The following PSD3 variants were observed in gnomAD, a reference collection of about 807,000 sequenced individuals.
PSD3 encodes the protein pleckstrin and Sec7 domain containing 3.
Under a neutral mutation model 105.5 loss-of-function variants are expected in PSD3, and 49 were observed. That is an observed-to-expected ratio of 0.46 (90% CI 0.37 to 0.59). The LOEUF is 0.59. Among genes scored for constraint, PSD3 ranks in the 20% least tolerant of loss-of-function variants. The pLI, the probability that PSD3 is intolerant of heterozygous loss-of-function variation, is 0.00. For synonymous variants in PSD3, 557 were observed against 457.8 expected, an observed-to-expected ratio of 1.22 and a Z score of -2.77; for missense variants, 1,561 against 1,263.8, an observed-to-expected ratio of 1.24 and a Z score of -3.57.
At chr8:18,691,828 A>G (rs905000827) in intron 9 of PSD3, among the ~76,000 whole-genome samples, 1 of 152,154 alleles carries the variant, frequency 6.6e-6, no homozygotes, top group Non-Finnish European at 1.5e-5. Context: ...TCAAAGACAA[A>G]TTATTCTCTA....
At chr8:18,834,642 C>G (rs149475561) in intron 4 of PSD3, among the ~76,000 whole-genome samples, 138 of 152,220 alleles carry the variant, frequency 9.1e-4, no homozygotes, top group African/African-American at 2.9e-3. Context: ...GGTACGTGAA[C>G]TGAAAGGTCA....
chr8:18,679,209 G>A (rs941998171), intron 9 of PSD3, among the ~76,000 whole-genome samples: 6 of 152,200 alleles, frequency 3.9e-5, no homozygotes, highest in South Asian at 4.1e-4. Flanking sequence ...ACTTCAGGTC[G>A]CAAAGGGCCA....
At chr8:19,078,577 A>G (rs1342359517) in intron 1 of PSD3, among the ~76,000 whole-genome samples, 2 of 151,894 alleles carry the variant, frequency 1.3e-5, no homozygotes, top group Non-Finnish European at 2.9e-5. Flanking sequence ...ATCAACCTTT[A>G]TGAGTTGTCC....
intron 1 of PSD3, among the ~76,000 whole-genome samples, chr8:19,072,258 C>T (rs939980400): frequency 2.0e-5 from 3 of 151,614 alleles, no homozygotes; most frequent in East Asian, 2.0e-4. Context: ...CCCGCCACCA[C>T]GCCCAGCTAA....
intron 15 of PSD3, among the ~76,000 whole-genome samples, chr8:18,542,988 C>T (rs751520883): frequency 1.3e-5 from 2 of 152,170 alleles, no homozygotes; most frequent in Non-Finnish European, 2.9e-5. Flanking sequence ...AATAGAGTTC[C>T]AGCAGTGTAA....
At chr8:18,877,835 C>G (rs1817837423) in intron 2 of PSD3, among the ~76,000 whole-genome samples, 2 of 152,050 alleles carry the variant, frequency 1.3e-5, no homozygotes, top group Non-Finnish European at 2.9e-5. Flanking sequence ...AGCACCACAC[C>G]TGGCTAGATG....
intron 2 of PSD3, among the ~76,000 whole-genome samples, chr8:18,890,178 GT>G (rs1421550355): frequency 6.6e-6 from 1 of 151,940 alleles, no homozygotes; most frequent in Non-Finnish European, 1.5e-5. Flanking sequence ...GGAGGAACTG[GT>G]AACAATAATT....
At chr8:18,598,864 T>C (rs1301020458) in intron 12 of PSD3, among the ~76,000 whole-genome samples, 1 of 151,948 alleles carries the variant, frequency 6.6e-6, no homozygotes, top group Non-Finnish European at 1.5e-5. Context: ...CACTGAAAAC[T>C]ATAAAACACT....
At chr8:19,054,203 G>C (rs1479332916) in intron 1 of PSD3, among the ~76,000 whole-genome samples, 1 of 152,170 alleles carries the variant, frequency 6.6e-6, no homozygotes, top group Non-Finnish European at 1.5e-5. Context: ...AAGTGAGGGA[G>C]GCTAGCCCCT....
chr8:18,639,173 T>C (rs1807471512), intron 10 of PSD3, among the ~76,000 whole-genome samples: 1 of 152,194 alleles, frequency 6.6e-6, no homozygotes, highest in African/African-American at 2.4e-5. Flanking sequence ...TTGGGCTGCT[T>C]CCTAAGGACT....
At chr8:18,706,186 G>A (rs562756325) in intron 9 of PSD3, among the ~76,000 whole-genome samples, 20 of 152,258 alleles carry the variant, frequency 1.3e-4, no homozygotes, top group African/African-American at 4.3e-4. Flanking sequence ...TGCCACAGCC[G>A]TTCTGTAGCC....
At chr8:18,802,578 G>C (rs142545678) in intron 6 of PSD3, among the ~76,000 whole-genome samples, 2 of 152,130 alleles carry the variant, frequency 1.3e-5, no homozygotes, top group African/African-American at 4.8e-5. Flanking sequence ...TTCATCCACT[G>C]ATAACTGTTT....
intron 9 of PSD3, among the ~76,000 whole-genome samples, chr8:18,740,038 G>C (rs992936816): frequency 6.6e-6 from 1 of 152,172 alleles, no homozygotes; most frequent in Non-Finnish European, 1.5e-5. Context: ...CAAGCTCACA[G>C]GGACAAAACT....
In PSD3 at chr8:19,074,588, TATAC is replaced by T. The variant is rs1216392996; in HGVS notation, c.324+9614_324+9617del. Among the ~76,000 whole-genome samples, 105 of 13,396 alleles carry T rather than the reference TATAC, an allele frequency of 7.8e-3. 2 individuals carry two copies. Among genetic ancestry groups the T allele is most frequent in the African/African-American group, 0.01 (94 of 9,132 alleles). 8.8% of individuals were successfully genotyped at this position (13,396 alleles called of 152,430 possible). The stretch of plus-strand genomic sequence containing the variant: ...AAGGTATAATTTTACAACTCAGATA[TATAC>T]ATATATATATATATATATATTTTTT... On this transcript the variant is annotated intron_variant, in intron 1 of 1. Coordinates refer to the PSD3 transcript ENST00000521475.
intron 1 of PSD3, among the ~76,000 whole-genome samples, chr8:19,027,273 A>AG (rs1827591466): frequency 6.6e-6 from 1 of 152,216 alleles, no homozygotes; most frequent in East Asian, 1.9e-4. Context: ...ATAACTGCTG[A>AG]GTTACCTGCA....
intron 1 of PSD3, among the ~76,000 whole-genome samples, chr8:18,975,383 T>C (rs1428891808): frequency 6.6e-6 from 1 of 151,798 alleles, no homozygotes; most frequent in Non-Finnish European, 1.5e-5. Flanking sequence ...ACTGATGTGA[T>C]TCTGTATGGC....
intron 11 of PSD3, among the ~76,000 whole-genome samples, chr8:18,603,841 C>T (rs1020365494): frequency 6.6e-6 from 1 of 152,184 alleles, no homozygotes; most frequent in African/African-American, 2.4e-5. Context: ...GCCCTGTTCC[C>T]CCTTCACTTT....
intron 4 of PSD3, among the ~76,000 whole-genome samples, chr8:18,835,309 ACT>A (rs10607447): frequency 0.015 from 2,316 of 152,284 alleles, 58 homozygotes; most frequent in African/African-American, 0.052. Context: ...ACAACATATC[ACT>A]GTTTTTCACG....
chr8:18,754,935 A>C (rs972500693), intron 9 of PSD3, among the ~76,000 whole-genome samples: 10 of 152,156 alleles, frequency 6.6e-5, no homozygotes, highest in Non-Finnish European at 1.5e-4. Flanking sequence ...TTGCCATGGT[A>C]GTTCCACTTA....
Sources: gnomAD v4.1 joint callset for allele counts (sites outside exome capture counted in the v4.1 genomes callset) on GRCh38, gnomAD v4.1.1 for gene constraint, MANE v1.5 for transcripts, NCBI Gene and HGNC (gene_info 2026-07-23, HGNC 2026-07-21) for gene names.